Variants in TFEB observed in about 807,000 individuals in gnomAD.
TFEB encodes the protein T-cell transcription factor EB.
In TFEB, 12 loss-of-function variants were observed where a neutral mutation model predicts 48.0. The observed-to-expected ratio is 0.25, with a 90% CI of 0.16 to 0.40. The LOEUF is 0.40. Among genes scored for constraint, TFEB ranks in the 10% least tolerant of loss-of-function variants. The pLI is 1.00. For missense variants in TFEB, 509 were observed against 640.3 expected (o/e 0.79, Z 2.21); for synonymous variants, 244 against 261.4 (o/e 0.93, Z 0.64).
intron 1 of TFEB, among the ~76,000 whole-genome samples, chr6:41,697,350 G>A (rs936465667): frequency 7.6e-6 from 1 of 130,958 alleles, no homozygotes; most frequent in Admixed American, 8.9e-5. Context: ...AGAGGTTGCA[G>A]TGAACTGAGA....
Position 41,687,342 on chromosome 6 carries a change from G to T in TFEB, c.728-173C>A, listed in dbSNP as rs576290631. ...TTGGGATTTCTACAGGAATTAGGGG[G>T]TCCAGGGCAAAGGCCAGACACAATT... On this transcript the variant is annotated intron_variant, in intron 6 of 8. Transcript: ENST00000373033. 3.3e-5 allele frequency among the ~76,000 whole-genome samples: 5 copies of T among 152,340 alleles called. No individual in the cohort carries two copies. The South Asian group carries it at 1.0e-3, about 32-fold the overall frequency.
At chr6:41,690,170 G>T (rs1411160088) in intron 3 of TFEB, among the ~76,000 whole-genome samples, 1 of 149,536 alleles carries the variant, frequency 6.7e-6, no homozygotes, top group African/African-American at 2.5e-5. Flanking sequence ...TCACTCTGTC[G>T]CCCAGGCTGA....
chr6:41,689,858 G>T (rs1482907904), intron 3 of TFEB, 47 bp from the exon 4 acceptor site: 1 of 1,525,736 alleles, frequency 6.6e-7, no homozygotes, highest in Non-Finnish European at 9.1e-7. Flanking sequence ...CACGAGGTGG[G>T]CAGGGGAAAG....
intron 1 of TFEB, among the ~76,000 whole-genome samples, chr6:41,701,058 G>T: frequency 6.6e-6 from 1 of 152,254 alleles, no homozygotes; most frequent in Non-Finnish European, 1.5e-5. Flanking sequence ...CCTGTGATAT[G>T]CACGGACCGG....
At chr6:41,725,216 A>G (rs903230182) in intron 1 of TFEB, among the ~76,000 whole-genome samples, 2 of 152,212 alleles carry the variant, frequency 1.3e-5, no homozygotes, top group African/African-American at 4.8e-5. Context: ...ACTCAGGGCC[A>G]GGTAATTAGT....
At chr6:41,729,353 G>C (rs1771358570) in intron 1 of TFEB, among the ~76,000 whole-genome samples, 1 of 152,284 alleles carries the variant, frequency 6.6e-6, no homozygotes, top group South Asian at 2.1e-4. Context: ...GAAAGGAAAA[G>C]GGAACAGCTT....
chr6:41,691,230 G>A lies in TFEB; in HGVS notation c.-17C>T. The A allele has an allele frequency of 6.4e-7, 1 of 1,566,896 alleles. No individual in the cohort carries two copies. The highest frequency in any genetic ancestry group is 8.7e-7 in the Non-Finnish European group (1 of 1,152,920). On this transcript the variant is annotated 5_prime_UTR_variant, in exon 2 of 9. Transcript: ENST00000373033. The surrounding 1 kb of genome is among the most constrained non-coding windows in gnomAD (Gnocchi z 5.2). ...TGACGCCATGGTGGCTGCCGGCGCT[G>A]GCTCCCTGTGGATGAGAAGGGGCAG...
At chr6:41,736,182 TGTC>T (rs1771667909), upstream of TFEB, 2 of 1,612,806 alleles carry the variant, frequency 1.2e-6, no homozygotes, top group African/African-American at 2.7e-5. Context: ...GGACAGAAAT[TGTC>T]TGAGCTCCTT....
intron 4 of TFEB, among the ~76,000 whole-genome samples, chr6:41,688,433 C>G (rs982909081): frequency 9.2e-5 from 14 of 151,962 alleles, no homozygotes; most frequent in African/African-American, 3.1e-4. Flanking sequence ...CACAAGCAGA[C>G]AGGGCAGCTT....
At chr6:41,705,137 A>G (rs895903508) in intron 1 of TFEB, among the ~76,000 whole-genome samples, 1 of 152,194 alleles carries the variant, frequency 6.6e-6, no homozygotes, top group Non-Finnish European at 1.5e-5. Context: ...CAGCTCCAGA[A>G]GAGAGCAGAC....
intron 8 of TFEB, 108 bp downstream of exon 8, chr6:41,685,982 G>A (rs927688539): frequency 2.3e-5 from 32 of 1,389,892 alleles, no homozygotes; most frequent in Middle Eastern, 1.8e-4. Context: ...CTTCCTAATG[G>A]GCATTATTCC....
chr6:41,691,405 G>T lies in TFEB; in HGVS notation c.-22-170C>A, dbSNP rs558443262. Reference sequence around the variant, plus strand: ...AAGGTCACTGAGCAAGCGGGTGACAGCTGAGACATGAATCCAAGTTTCCTG... The same window carrying T: ...AAGGTCACTGAGCAAGCGGGTGACATCTGAGACATGAATCCAAGTTTCCTG... On this transcript the variant is annotated intron_variant, in intron 1 of 8. Transcript: ENST00000373033. This position sits in a 1 kb window ranked among gnomAD's most constrained non-coding sequence, Gnocchi z 5.2. The T allele has an allele frequency of 2.5e-5, 19 of 758,156 alleles. No homozygotes were observed. In the East Asian group the frequency reaches 5.1e-4, roughly 20 times the overall value. 47.0% of individuals were successfully genotyped at this position (758,156 alleles called of 1,614,324 possible).
chr6:41,725,431 C>G (rs777307139), intron 1 of TFEB, among the ~76,000 whole-genome samples: 1 of 152,212 alleles, frequency 6.6e-6, no homozygotes, highest in Non-Finnish European at 1.5e-5. Flanking sequence ...TCCCCCTCTC[C>G]CCCACCAGAT....
intron 1 of TFEB, among the ~76,000 whole-genome samples, chr6:41,694,700 G>A (rs1283307530): frequency 6.6e-6 from 1 of 152,188 alleles, no homozygotes. Flanking sequence ...ATGGACATGG[G>A]AGAACCAAAA....
chr6:41,714,842 C>T (rs555001454), intron 1 of TFEB, among the ~76,000 whole-genome samples: 1 of 152,308 alleles, frequency 6.6e-6, no homozygotes, highest in African/African-American at 2.4e-5. Context: ...GCACTCCAGA[C>T]CCTGATATAC....
At chr6:41,685,215 G>C in intron 8 of TFEB, 137 bp from the exon 9 acceptor site, 1 of 1,152,940 alleles carries the variant, frequency 8.7e-7, no homozygotes, top group Non-Finnish European at 1.1e-6. Context: ...CTGGAAGAAA[G>C]CATAGGGTAG....
In TFEB at chr6:41,734,348, G is replaced by C; in HGVS notation, c.-23+1002C>G. 1 of 984,564 alleles carries C rather than the reference G, an allele frequency of 1.0e-6. No homozygotes were observed. Among genetic ancestry groups the C allele is most frequent in the Non-Finnish European group, 1.2e-6 (1 of 829,588 alleles). 61.0% of individuals were successfully genotyped at this position (984,564 alleles called of 1,614,324 possible). ...GGGCTGGGGCGCGCCAGGCGGCTGCGGCGCGAACCTGCTCGCGCAGCCCGG... is the reference window on the plus strand; with the variant it reads ...GGGCTGGGGCGCGCCAGGCGGCTGCCGCGCGAACCTGCTCGCGCAGCCCGG... On this transcript the variant is annotated intron_variant, in intron 1 of 8. Coordinates refer to ENST00000373033, the MANE Select transcript of TFEB (RefSeq NM_001271944.2). This position sits in a 1 kb window ranked among gnomAD's most constrained non-coding sequence, Gnocchi z 4.0.
chr6:41,733,215 G>A (rs1478940135), intron 1 of TFEB: 11 of 235,896 alleles, frequency 4.7e-5, no homozygotes, highest in East Asian at 3.6e-4. Flanking sequence ...CTGTGACAGC[G>A]CACGTGGGAC....
chr6:41,703,071 G>A (rs1415114591), intron 1 of TFEB, among the ~76,000 whole-genome samples: 1 of 152,224 alleles, frequency 6.6e-6, no homozygotes, highest in Non-Finnish European at 1.5e-5. Context: ...CAGCATTGGG[G>A]AGCTCCCTCT....
Sources: allele counts gnomAD v4.1 joint callset (sites outside exome capture counted in the v4.1 genomes callset), GRCh38; gene constraint gnomAD v4.1.1; non-coding constraint Gnocchi (gnomAD v3.1); transcripts MANE v1.5; gene names NCBI Gene and HGNC (gene_info 2026-07-23, HGNC 2026-07-21).